Variants in USP33 observed in about 807,000 individuals in gnomAD.
USP33 encodes the protein ubiquitin carboxyl-terminal hydrolase 33.
USP33 carries 46 observed loss-of-function variants against 124.2 expected under a neutral mutation model. The observed-to-expected ratio is 0.37, with a 90% CI of 0.29 to 0.47. The LOEUF (loss-of-function observed/expected upper bound fraction) is 0.47, where lower values mean the gene tolerates loss of function less well. USP33 is among the 20% of genes least tolerant of loss of function. The probability of loss-of-function intolerance (pLI) is 0.99; values close to 1 mark genes in which losing one functional copy is unlikely to be tolerated. For synonymous variants in USP33, 350 were observed against 352.3 expected (o/e 0.99, Z 0.07); for missense variants, 851 against 1,070.6 (o/e 0.79, Z 2.86).
chr1:77,756,757 G>C (rs541905848), intron 1 of USP33, among the ~76,000 whole-genome samples: 1 of 152,212 alleles, frequency 6.6e-6, no homozygotes, highest in Non-Finnish European at 1.5e-5. Flanking sequence ...TTCCTCACTT[G>C]TGCTTTATAG....
intron 1 of USP33, among the ~76,000 whole-genome samples, chr1:77,757,645 T>C (rs1454246124): frequency 6.6e-6 from 1 of 152,252 alleles, no homozygotes; most frequent in African/African-American, 2.4e-5. Flanking sequence ...CAGCATTTTA[T>C]GTACTTCATT....
At chr1:77,700,559 A>C (rs755330221) in intron 22 of USP33, among the ~76,000 whole-genome samples, 1 of 152,212 alleles carries the variant, frequency 6.6e-6, no homozygotes, top group Non-Finnish European at 1.5e-5. Flanking sequence ...AGTGAGCCAT[A>C]ATCATGCTGC....
intron 1 of USP33, 52 bp from the exon 2 acceptor site, chr1:77,741,800 G>T: frequency 6.9e-7 from 1 of 1,458,204 alleles, no homozygotes; most frequent in Non-Finnish European, 9.2e-7. Context: ...TACAATGCCT[G>T]CAAAGATTCC....
At chr1:77,756,060 G>A (rs1012085479) in intron 1 of USP33, among the ~76,000 whole-genome samples, 4 of 152,098 alleles carry the variant, frequency 2.6e-5, no homozygotes, top group Admixed American at 2.6e-4. Flanking sequence ...TTTTTCACAA[G>A]TTAACTAACT....
intron 15 of USP33, 175 bp from the exon 16 acceptor site, chr1:77,718,816 A>G: frequency 3.8e-6 from 2 of 520,670 alleles, no homozygotes; most frequent in Non-Finnish European, 7.0e-6. Context: ...GTAGTCCCAG[A>G]TACTCAGGAG....
At chr1:77,736,203 T>TA in intron 5 of USP33, 45 bp from the exon 6 acceptor site, 4 of 1,355,660 alleles carry the variant, frequency 3.0e-6, no homozygotes, top group Non-Finnish European at 4.1e-6. Context: ...ATCCTTAAAT[T>TA]TAAAAAAAGT....
chr1:77,728,818 C>A, intron 9 of USP33, 106 bp from the exon 10 acceptor site: 1 of 1,227,794 alleles, frequency 8.1e-7, no homozygotes, highest in Non-Finnish European at 1.1e-6. Context: ...GAAGGTACAG[C>A]ACTATATTGA....
At chr1:77,743,744 T>TC (rs1679399017) in intron 1 of USP33, among the ~76,000 whole-genome samples, 1 of 152,184 alleles carries the variant, frequency 6.6e-6, no homozygotes, top group Non-Finnish European at 1.5e-5. Flanking sequence ...AAAGACACCA[T>TC]AATAGAGGAA....
At chr1:77,730,590 A>G (rs768352251) in intron 8 of USP33, 28 bp downstream of exon 8, 1 of 1,340,992 alleles carries the variant, frequency 7.5e-7, no homozygotes, top group Non-Finnish European at 1.0e-6. Context: ...AAGTTTAATA[A>G]AGAAGAAGAG....
At chr1:77,718,710 A>G in intron 15 of USP33, 69 bp from the exon 16 acceptor site, 2 of 1,261,228 alleles carry the variant, frequency 1.6e-6, no homozygotes, top group African/African-American at 1.5e-5. Context: ...TGCAACAAAA[A>G]TCTTTTAGAA....
At chr1:77,740,232 T>C (rs1041237686) in intron 4 of USP33, among the ~76,000 whole-genome samples, 4 of 152,080 alleles carry the variant, frequency 2.6e-5, no homozygotes, top group South Asian at 2.1e-4. Flanking sequence ...GAAAAGGCAA[T>C]ATGACATGAG....
rs761758685 is a variant in USP33, at chr1:77,713,290, AT to A, written c.2216-10del. 203 of 1,494,430 alleles carry A rather than the reference AT, an allele frequency of 1.4e-4. No homozygotes were observed. Among genetic ancestry groups the A allele is most frequent in the South Asian group, 2.0e-4 (16 of 79,512 alleles). The allele number at this position is 1,494,430 out of a possible 1,614,324, so 92.6% of individuals were successfully genotyped here. A position where few individuals can be genotyped will look rare whatever the true frequency, so the allele number is the denominator to read the frequency against. ...TTTTCTTGGAGGAACACCTAAAAAAATATATAAACATATCTGTTTCATGCTT... is the reference window on the plus strand; with the variant it reads ...TTTTCTTGGAGGAACACCTAAAAAAAATATAAACATATCTGTTTCATGCTT... On this transcript the variant is annotated splice_polypyrimidine_tract_variant and intron_variant, in intron 19 of 23. Transcript: ENST00000370794.
At chr1:77,707,698 T>TA (rs1196679710) in intron 21 of USP33, among the ~76,000 whole-genome samples, 1 of 152,126 alleles carries the variant, frequency 6.6e-6, no homozygotes, top group Admixed American at 6.5e-5. Context: ...ATGAGGTAAA[T>TA]ACATTCACAA....
chr1:77,710,461 A>G (rs1675122434), intron 21 of USP33, among the ~76,000 whole-genome samples: 1 of 152,258 alleles, frequency 6.6e-6, no homozygotes, highest in South Asian at 2.1e-4. Flanking sequence ...GTCATTAGCC[A>G]TTATTTAAGC....
chr1:77,759,026 G>A (rs1194117545), intron 1 of USP33, among the ~76,000 whole-genome samples: 1 of 152,280 alleles, frequency 6.6e-6, no homozygotes, highest in Non-Finnish European at 1.5e-5. Flanking sequence ...TTTTGTATAC[G>A]AGAAATATAA....
At chr1:77,733,804 C>G (rs568600955) in intron 7 of USP33, among the ~76,000 whole-genome samples, 1 of 152,112 alleles carries the variant, frequency 6.6e-6, no homozygotes, top group South Asian at 2.1e-4. Context: ...TGTAGACATA[C>G]GTTCAATCTC....
chr1:77,725,184 A>T (rs2101420732), intron 11 of USP33, among the ~76,000 whole-genome samples: 1 of 152,358 alleles, frequency 6.6e-6, no homozygotes, highest in Admixed American at 6.5e-5. Context: ...ATTTAAAAAA[A>T]TCAAAAGACT....
At chr1:77,740,814 G>T in intron 4 of USP33, 63 bp downstream of exon 4, 2 of 1,121,416 alleles carry the variant, frequency 1.8e-6, no homozygotes, top group East Asian at 2.6e-5. Context: ...TGTTATACTG[G>T]CTTTCCCTTT....
At chr1:77,748,221 C>T (rs565151427) in intron 1 of USP33, among the ~76,000 whole-genome samples, 345 of 152,268 alleles carry the variant, frequency 2.3e-3, no homozygotes, top group Non-Finnish European at 3.8e-3. Context: ...TTCACTTTTA[C>T]TGTTTTAATG....
Sources: gnomAD v4.1 joint callset for allele counts (sites outside exome capture counted in the v4.1 genomes callset) on GRCh38, gnomAD v4.1.1 for gene constraint, MANE v1.5 for transcripts, NCBI Gene and HGNC (gene_info 2026-07-23, HGNC 2026-07-21) for gene names.